The following CNTNAP3 variants were observed in gnomAD, a reference collection of about 807,000 sequenced individuals.
The protein encoded by CNTNAP3 is contactin-associated protein-like 3.
In CNTNAP3, 36 loss-of-function variants were observed where a neutral mutation model predicts 92.1. The ratio of observed to expected loss-of-function variants is 0.39; its 90% CI spans 0.30 to 0.52. The LOEUF (loss-of-function observed/expected upper bound fraction) is 0.52. Ranked by LOEUF, CNTNAP3 falls within the 20% of genes least tolerant of loss-of-function variation. CNTNAP3 has a pLI of 0.76. For missense variants in CNTNAP3, 534 were observed against 1,069.6 expected (o/e 0.50, Z 6.98); for synonymous variants, 232 against 422.3 (o/e 0.55, Z 5.53).
chr9:39,076,359 T>C (rs1385658402), intron 23 of CNTNAP3, among the ~76,000 whole-genome samples: 1 of 152,308 alleles, frequency 6.6e-6, no homozygotes, highest in Non-Finnish European at 1.5e-5. Context: ...AAAGGCATGA[T>C]TGATTTAGGA....
rs1265287166 is a variant in CNTNAP3 at position 39,068,517 on chromosome 9, T to C, written c.*5373A>G. 6.6e-6 allele frequency among the ~76,000 whole-genome samples: 1 copy of C among 152,308 alleles called. No individual in the cohort carries two copies. ...AAAGATTCCTTGAGGTCAATAATAA[T>C]TTTTTAAAGGTTGATAAATGCCGCT... On this transcript the variant is annotated 3_prime_UTR_variant, in exon 24 of 24. Transcript: ENST00000297668.
intron 13 of CNTNAP3, among the ~76,000 whole-genome samples, chr9:39,120,814 GA>G (rs934690726): frequency 1.3e-5 from 2 of 151,940 alleles, no homozygotes; most frequent in South Asian, 2.1e-4. Flanking sequence ...GGAACATCAG[GA>G]AAAAAATGAA....
intron 4 of CNTNAP3, among the ~76,000 whole-genome samples, chr9:39,178,569 AAC>A (rs1822383802): frequency 6.7e-6 from 1 of 149,856 alleles, no homozygotes; most frequent in African/African-American, 2.4e-5. Context: ...AGAATTTTCT[AAC>A]ATTTTCTCAA....
chr9:39,113,128 A>C (rs1820751728), intron 14 of CNTNAP3, among the ~76,000 whole-genome samples: 1 of 152,042 alleles, frequency 6.6e-6, no homozygotes, highest in Non-Finnish European at 1.5e-5. Flanking sequence ...TTTCTAATTA[A>C]TAGACACTAA....
chr9:39,121,115 A>G (rs1255712244), intron 13 of CNTNAP3, among the ~76,000 whole-genome samples: 1 of 151,368 alleles, frequency 6.6e-6, no homozygotes, highest in Non-Finnish European at 1.5e-5. Flanking sequence ...AACAAAAGTT[A>G]GACGTTGGCA....
chr9:39,139,098 T>C (rs114943752), intron 12 of CNTNAP3, among the ~76,000 whole-genome samples: 2,520 of 152,236 alleles, frequency 0.017, 74 homozygotes, highest in African/African-American at 0.058. Context: ...TTACTGGCTA[T>C]AGCGCAATGG....
chr9:39,108,590 A>C (rs1216017665), intron 15 of CNTNAP3, among the ~76,000 whole-genome samples: 2 of 152,192 alleles, frequency 1.3e-5, no homozygotes, highest in African/African-American at 4.8e-5. Flanking sequence ...GAAGATTTTT[A>C]CTAGCTTAGT....
At chr9:39,148,714 A>C (rs1418522551) in intron 10 of CNTNAP3, among the ~76,000 whole-genome samples, 1 of 151,962 alleles carries the variant, frequency 6.6e-6, no homozygotes, top group Non-Finnish European at 1.5e-5. Context: ...TTTAGTAGAG[A>C]CGGGGTTTCA....
intron 12 of CNTNAP3, among the ~76,000 whole-genome samples, chr9:39,133,568 TACTC>T (rs1371846082): frequency 1.8e-4 from 27 of 152,100 alleles, no homozygotes; most frequent in Admixed American, 4.6e-4. Flanking sequence ...GTGACGCACA[TACTC>T]ACAGGTATGA....
chr9:39,127,921 C>T (rs1452535107), intron 13 of CNTNAP3, among the ~76,000 whole-genome samples: 1 of 152,114 alleles, frequency 6.6e-6, no homozygotes. Flanking sequence ...TCACTGCAAC[C>T]TCTGCCTCCC....
At chr9:39,145,447 G>A (rs959281258) in intron 10 of CNTNAP3, among the ~76,000 whole-genome samples, 3 of 144,066 alleles carry the variant, frequency 2.1e-5, no homozygotes, top group Admixed American at 6.8e-5. Flanking sequence ...AGAAGTAACA[G>A]AAGAGGGGCC....
At chr9:39,104,818 C>T (rs1266585417) in intron 15 of CNTNAP3, among the ~76,000 whole-genome samples, 5 of 152,240 alleles carry the variant, frequency 3.3e-5, no homozygotes, top group Middle Eastern at 3.4e-3. Context: ...GCTGTGTTCT[C>T]CTCAGTGTGT....
At chr9:39,125,740 G>T (rs1468398468) in intron 13 of CNTNAP3, among the ~76,000 whole-genome samples, 1 of 152,074 alleles carries the variant, frequency 6.6e-6, no homozygotes, top group Non-Finnish European at 1.5e-5. Flanking sequence ...ATGAAAAAGG[G>T]TATTACACAA....
In CNTNAP3 at chr9:39,140,495, T is replaced by C. The variant is rs370449529; in HGVS notation, c.1876+24A>G. On this transcript the variant is annotated intron_variant, in intron 12 of 23. Coordinates refer to ENST00000297668, the MANE Select transcript of CNTNAP3 (RefSeq NM_033655.5). Reference sequence around the variant, plus strand: ...TTTCTCCTTGGTCTATTCTGATATATGCATATAACGATTATCAACATACCT... The same window carrying C: ...TTTCTCCTTGGTCTATTCTGATATACGCATATAACGATTATCAACATACCT... The C allele has an allele frequency of 5.0e-6, 8 of 1,612,642 alleles. No homozygotes were observed. The Admixed American group carries it at 5.0e-5, about 10-fold the overall frequency.
At chr9:39,080,656 A>C (rs1166247099) in intron 21 of CNTNAP3, among the ~76,000 whole-genome samples, 1 of 133,274 alleles carries the variant, frequency 7.5e-6, no homozygotes, top group Non-Finnish European at 1.6e-5. Context: ...ATTTTAGGGC[A>C]GACCTTTTTT....
intron 9 of CNTNAP3, chr9:39,155,607 AG>A (rs1486541527): frequency 6.7e-6 from 1 of 149,820 alleles, no homozygotes; most frequent in Non-Finnish European, 1.5e-5. Flanking sequence ...AGGACCTCCA[AG>A]GTATACGTTG....
chr9:39,066,814 T>C lies in CNTNAP3; in HGVS notation c.*7076A>G, dbSNP rs1191661796. On this transcript the variant is annotated 3_prime_UTR_variant, in exon 24 of 24. Transcript: ENST00000297668. The stretch of plus-strand genomic sequence containing the variant: ...CCACACTGAGTTTTGATCCATTTGC[T>C]TATGATGTGTTGTGATGTGGTTTTC... Among the ~76,000 whole-genome samples, 11 of 152,300 alleles carry C rather than the reference T, an allele frequency of 7.2e-5. No individual in the cohort carries two copies. Among genetic ancestry groups the C allele is most frequent in the Non-Finnish European group, 1.2e-4 (8 of 68,054 alleles).
rs1481682106 is a variant in CNTNAP3 at position 39,068,085 on chromosome 9, G to C, written c.*5805C>G. ...CCAGATATACGTATAGTACTAAAGA[G>C]ATATGCAGTGCATGTGCGATATTAA... On this transcript the variant is annotated 3_prime_UTR_variant, in exon 24 of 24. Coordinates refer to ENST00000297668, the MANE Select transcript of CNTNAP3 (RefSeq NM_033655.5). Among the ~76,000 whole-genome samples, 9 of 152,404 alleles carry C rather than the reference G, an allele frequency of 5.9e-5. No individual in the cohort carries two copies. Among genetic ancestry groups the C allele is most frequent in the African/African-American group, 2.2e-4 (9 of 41,584 alleles).
At chr9:39,126,987 C>T (rs1363752385) in intron 13 of CNTNAP3, among the ~76,000 whole-genome samples, 5 of 151,780 alleles carry the variant, frequency 3.3e-5, no homozygotes, top group Non-Finnish European at 7.4e-5. Context: ...GAAACATTTA[C>T]AAGACAGACC....
Sources: allele counts gnomAD v4.1 joint callset (sites outside exome capture counted in the v4.1 genomes callset), GRCh38; gene constraint gnomAD v4.1.1; transcripts MANE v1.5; gene names NCBI Gene and HGNC (gene_info 2026-07-23, HGNC 2026-07-21).